The following ZNF544 variants were observed in gnomAD, a reference collection of about 807,000 sequenced individuals.
ZNF544 encodes the protein zinc finger protein AF020591.
ZNF544 carries 10 observed loss-of-function variants against 13.5 expected under a neutral mutation model. The observed-to-expected ratio is 0.74, with a 90% CI of 0.46 to 1.25. The LOEUF (loss-of-function observed/expected upper bound fraction) is 1.25. Among genes scored for constraint, ZNF544 ranks in the 50% most tolerant of loss-of-function variants. The pLI is 0.00. For missense variants in ZNF544, 896 were observed against 845.6 expected (o/e 1.06, Z -0.74); for synonymous variants, 323 against 300.5 (o/e 1.07, Z -0.77).
chr19:58,244,979 C>G (rs530877319), intron 4 of ZNF544, among the ~76,000 whole-genome samples: 2 of 151,620 alleles, frequency 1.3e-5, no homozygotes, highest in Admixed American at 1.3e-4. Context: ...AACGGAGTCT[C>G]GCTCTGTTGC....
At chr19:58,276,331 A>G in exon 6 of ZNF544, 1 of 1,231,484 alleles carries the variant, frequency 8.1e-7, no homozygotes, top group Non-Finnish European at 1.0e-6. Flanking sequence ...AGAGAAGGGG[A>G]TGCTGCCTGG....
chr19:58,248,649 T>C (rs1354452356), intron 6 of ZNF544, among the ~76,000 whole-genome samples: 2 of 152,202 alleles, frequency 1.3e-5, no homozygotes, highest in Non-Finnish European at 2.9e-5. Context: ...CTCTGTGCTC[T>C]ACCCATTCAT....
At chr19:58,274,200 C>T (rs2051039059) in intron 5 of ZNF544, among the ~76,000 whole-genome samples, 1 of 151,946 alleles carries the variant, frequency 6.6e-6, no homozygotes, top group Non-Finnish European at 1.5e-5. Context: ...AAAATCTATT[C>T]TATGTTAATA....
At chr19:58,264,819 C>T (rs2049641501), downstream of ZNF544, among the ~76,000 whole-genome samples, 1 of 152,054 alleles carries the variant, frequency 6.6e-6, no homozygotes, top group African/African-American at 2.4e-5. Flanking sequence ...CCAGTCTGGG[C>T]AACATGTTGA....
intron 6 of ZNF544, chr19:58,258,230 C>G (rs1264913156): frequency 1.3e-5 from 2 of 152,416 alleles, no homozygotes; most frequent in Non-Finnish European, 2.9e-5. Flanking sequence ...CTCAGCCACC[C>G]ACTGACTTCT....
intron 6 of ZNF544, among the ~76,000 whole-genome samples, chr19:58,252,265 T>C (rs1236182087): frequency 6.6e-6 from 1 of 152,238 alleles, no homozygotes; most frequent in Non-Finnish European, 1.5e-5. Flanking sequence ...TCATGCCTTT[T>C]ACCAAAAGTA....
At chr19:58,244,160 A>C (rs2146997306) in intron 4 of ZNF544, 104 bp downstream of exon 4, 1 of 868,542 alleles carries the variant, frequency 1.2e-6, no homozygotes, top group Non-Finnish European at 1.7e-6. Flanking sequence ...AGCGCTCCGC[A>C]GTGCTGGCCA....
intron 3 of ZNF544, among the ~76,000 whole-genome samples, chr19:58,232,718 A>G (rs2041545323): frequency 6.6e-6 from 1 of 150,486 alleles, no homozygotes; most frequent in Non-Finnish European, 1.5e-5. Flanking sequence ...TCACAAGGTC[A>G]GGAGATTGAG....
intron 6 of ZNF544, chr19:58,257,191 G>A (rs2047660334): frequency 6.6e-6 from 1 of 152,216 alleles, no homozygotes; most frequent in East Asian, 1.9e-4. Context: ...AAAGTGCTGG[G>A]ATTACAGGCA....
chr19:58,239,969 G>GCATTCAGCT (rs1555754978), intron 3 of ZNF544, among the ~76,000 whole-genome samples: 1 of 152,030 alleles, frequency 6.6e-6, no homozygotes. Context: ...ACCAGGACCA[G>GCATTCAGCT]CATTCAGCTC....
At chr19:58,244,286 C>T (rs2044576788) in intron 4 of ZNF544, among the ~76,000 whole-genome samples, 2 of 151,884 alleles carry the variant, frequency 1.3e-5, no homozygotes, top group Admixed American at 6.6e-5. Context: ...ATGCCTGTTC[C>T]ACCAGGCCAG....
At chr19:58,247,420 C>T in intron 6 of ZNF544, 2 of 152,398 alleles carry the variant, frequency 1.3e-5, no homozygotes, top group Non-Finnish European at 2.9e-5. Flanking sequence ...TCCACCATGC[C>T]CGGCTAATTT....
At chr19:58,237,396 A>G (rs2042639310) in intron 3 of ZNF544, among the ~76,000 whole-genome samples, 1 of 152,136 alleles carries the variant, frequency 6.6e-6, no homozygotes, top group Admixed American at 6.5e-5. Context: ...TTTTGTGGAA[A>G]TTGGTTACAG....
intron 6 of ZNF544, 121 bp downstream of exon 6, chr19:58,246,915 T>C (rs1207400822): frequency 2.5e-6 from 2 of 814,424 alleles, no homozygotes; most frequent in Non-Finnish European, 3.9e-6. Context: ...TGGGTGCTCT[T>C]TGCAGCAGTT....
chr19:58,277,110 G>C, intron 6 of ZNF544: 2 of 1,136,680 alleles, frequency 1.8e-6, no homozygotes, highest in Non-Finnish European at 2.2e-6. Context: ...ATGAGGCCTA[G>C]AGCAGGAGCT....
rs139186892 is a variant in ZNF544, at chr19:58,251,541, T to C, written c.244+4747T>C. Among the ~76,000 whole-genome samples, 433 of 152,358 alleles carry C rather than the reference T, an allele frequency of 2.8e-3. 4 individuals are homozygous for C. The highest frequency in any genetic ancestry group is 9.9e-3 in the African/African-American group (413 of 41,582). Reference sequence around the variant, plus strand: ...ATGTTTTAACAGGTACCTTGTCTGTTGGCCTGATTTTGGGTTGGTGGTTAG... The same window carrying C: ...ATGTTTTAACAGGTACCTTGTCTGTCGGCCTGATTTTGGGTTGGTGGTTAG... On this transcript the variant is annotated intron_variant, in intron 6 of 6. Coordinates refer to ENST00000687789, the MANE Select transcript of ZNF544 (RefSeq NM_014480.4).
intron 3 of ZNF544, among the ~76,000 whole-genome samples, chr19:58,232,778 A>T (rs2041580591): frequency 1.3e-5 from 2 of 148,306 alleles, no homozygotes; most frequent in African/African-American, 2.6e-5. Context: ...AAAAAAAAAA[A>T]AAAAAAAAAA....
At chr19:58,238,001 C>T (rs1193786656) in intron 3 of ZNF544, among the ~76,000 whole-genome samples, 3 of 152,328 alleles carry the variant, frequency 2.0e-5, no homozygotes, top group South Asian at 4.1e-4. Context: ...GGCACGATCT[C>T]AGCTCACTGC....
At chr19:58,260,453 T>A (rs547852024) in intron 6 of ZNF544, 75 of 153,978 alleles carry the variant, frequency 4.9e-4, no homozygotes, top group Admixed American at 1.1e-3. Context: ...ATTTTTTTTT[T>A]ATTTTTATTA....
Sources: allele counts gnomAD v4.1 joint callset (sites outside exome capture counted in the v4.1 genomes callset), GRCh38; gene constraint gnomAD v4.1.1; transcripts MANE v1.5; gene names NCBI Gene and HGNC (gene_info 2026-07-23, HGNC 2026-07-21).